The following SENP7 variants were observed in gnomAD, a reference collection of about 807,000 sequenced individuals.
SENP7 encodes the protein sentrin-specific protease 7.
A neutral mutation model predicts 141.2 loss-of-function variants in SENP7; 64 were observed. That is an observed-to-expected ratio of 0.45 (90% CI 0.37 to 0.56). The LOEUF is 0.56. SENP7 is among the 20% of genes least tolerant of loss of function. The probability of loss-of-function intolerance (pLI) is 0.00; values close to 1 mark genes in which losing one functional copy is unlikely to be tolerated. For missense variants in SENP7, 1,025 were observed against 1,212.2 expected, an observed-to-expected ratio of 0.85 and a Z score of 2.29; for synonymous variants, 382 against 426.4, an observed-to-expected ratio of 0.90 and a Z score of 1.28.
At chr3:101,400,052 AATT>A (rs2107583885) in intron 5 of SENP7, among the ~76,000 whole-genome samples, 1 of 152,350 alleles carries the variant, frequency 6.6e-6, no homozygotes, top group African/African-American at 2.4e-5. Context: ...TTTGGTATAA[AATT>A]AGTGCAATAT....
chr3:101,365,073 G>C, intron 9 of SENP7, 82 bp from the exon 10 acceptor site: 2 of 911,544 alleles, frequency 2.2e-6, no homozygotes, highest in Admixed American at 8.1e-5. Flanking sequence ...CCCCATCTCG[G>C]CTCACTGCAA....
intron 7 of SENP7, among the ~76,000 whole-genome samples, chr3:101,368,893 C>T (rs532146781): frequency 1.2e-4 from 18 of 152,148 alleles, no homozygotes; most frequent in South Asian, 4.1e-4. Context: ...GTGTTGATCA[C>T]TGCTCTTTAA....
intron 9 of SENP7, among the ~76,000 whole-genome samples, chr3:101,366,039 T>C (rs2060029757): frequency 6.6e-6 from 1 of 152,336 alleles, no homozygotes; most frequent in Non-Finnish European, 1.5e-5. Context: ...CTTTGTACCA[T>C]GTGATGGCAT....
Position 101,395,513 on chromosome 3 carries a change from C to T in SENP7, c.677+3348G>A, listed in dbSNP as rs117490366. Reference sequence around the variant, plus strand: ...TTGGCCTATGGGTCTGTTTTTATACCATGCTGTTTTGGTTACTATAGCCTT... The same window carrying T: ...TTGGCCTATGGGTCTGTTTTTATACTATGCTGTTTTGGTTACTATAGCCTT... On this transcript the variant is annotated intron_variant, in intron 6 of 23. Coordinates refer to ENST00000394095, the MANE Select transcript of SENP7 (RefSeq NM_020654.5). Among the ~76,000 whole-genome samples the T allele has an allele frequency of 7.6e-4, 115 of 152,100 alleles. 1 individual carries two copies. In the East Asian group the frequency reaches 0.012, roughly 15 times the overall value.
intron 3 of SENP7, among the ~76,000 whole-genome samples, chr3:101,479,700 A>G (rs1179894465): frequency 6.7e-6 from 1 of 150,060 alleles, no homozygotes; most frequent in Non-Finnish European, 1.5e-5. Flanking sequence ...GCTAGCTAAT[A>G]GGGAGGCTGA....
At position 101,444,442 on chromosome 3, in the gene SENP7, C is replaced by T. The variant is rs577350356; in HGVS notation, c.284+14513G>A. On this transcript the variant is annotated intron_variant, in intron 4 of 23. Coordinates refer to ENST00000394095, the MANE Select transcript of SENP7 (RefSeq NM_020654.5). ...AAGCTGATATAAAGACACATGCACA[C>T]GTATGTTTATTGCGGCATTATTCAC... Among the ~76,000 whole-genome samples the T allele has an allele frequency of 8.1e-3, 1,230 of 152,064 alleles. 23 individuals carry two copies. The highest frequency in any genetic ancestry group is 0.029 in the African/African-American group (1,182 of 41,436).
intron 12 of SENP7, among the ~76,000 whole-genome samples, chr3:101,350,816 C>T (rs2059594356): frequency 6.6e-6 from 1 of 151,756 alleles, no homozygotes; most frequent in Non-Finnish European, 1.5e-5. Context: ...ATTAATATTT[C>T]CTATTTAGGA....
At chr3:101,506,662 TATCATATAAGA>T (rs778155955) in intron 1 of SENP7, among the ~76,000 whole-genome samples, 75 of 152,220 alleles carry the variant, frequency 4.9e-4, no homozygotes, top group Non-Finnish European at 1.0e-3. Context: ...ATCTGATAAT[TATCATATAAGA>T]GGCATAAAGA....
Position 101,372,097 on chromosome 3 carries a change from T to C in SENP7, c.707A>G (p.Asp236Gly). 1 of 1,562,004 alleles carries C rather than the reference T, an allele frequency of 6.4e-7. No homozygotes were observed. The part of the protein sequence containing the change: ...RGSQRSKTVD[D>G]NSAKQTAHNK... ...GTGCGCAGTCTGCTTTGCAGAATTG[T>C]CATCTACTGTCTTACTTCGTTGTGA... The change falls in exon 7 of 24, where the codon GAC becomes GGC. Residue 236 changes from aspartate to glycine, a missense_variant. This residue lies in a region of SENP7 where 496 missense variants were observed against 503.5 expected (regional missense o/e 0.99). Transcript: ENST00000394095.
At chr3:101,385,430 T>C (rs943114648) in intron 6 of SENP7, among the ~76,000 whole-genome samples, 5 of 152,100 alleles carry the variant, frequency 3.3e-5, no homozygotes, top group African/African-American at 1.2e-4. Context: ...AGGCCCCACA[T>C]AGGCAGAGTC....
At chr3:101,414,596 A>C in intron 5 of SENP7, 1 of 1,605,028 alleles carries the variant, frequency 6.2e-7, no homozygotes, top group African/African-American at 1.3e-5. Flanking sequence ...ACTATGACCA[A>C]GAAGATGAAG....
intron 10 of SENP7, among the ~76,000 whole-genome samples, chr3:101,364,387 A>G (rs1435718795): frequency 1.3e-5 from 2 of 152,228 alleles, no homozygotes; most frequent in Non-Finnish European, 2.9e-5. Context: ...CAGAGGACTT[A>G]CCAAACTTGA....
intron 4 of SENP7, among the ~76,000 whole-genome samples, chr3:101,453,296 A>T (rs1304140099): frequency 6.6e-6 from 1 of 152,202 alleles, no homozygotes; most frequent in Non-Finnish European, 1.5e-5. Context: ...ACCATTGTGG[A>T]AGTCAGTGTG....
At chr3:101,387,712 G>A (rs955973505) in intron 6 of SENP7, among the ~76,000 whole-genome samples, 4 of 152,130 alleles carry the variant, frequency 2.6e-5, no homozygotes, top group South Asian at 4.1e-4. Context: ...GCCAGCCACC[G>A]CTTAAGTCAT....
intron 4 of SENP7, among the ~76,000 whole-genome samples, chr3:101,430,234 AT>A (rs1457047756): frequency 1.3e-5 from 2 of 152,032 alleles, no homozygotes; most frequent in Non-Finnish European, 1.5e-5. Context: ...CTCTTTTTCT[AT>A]CGATTGGAAT....
chr3:101,466,068 A>C (rs2063748713), intron 3 of SENP7, among the ~76,000 whole-genome samples: 1 of 152,172 alleles, frequency 6.6e-6, no homozygotes, highest in African/African-American at 2.4e-5. Flanking sequence ...TTAAAAAAAT[A>C]ACCCATTCAG....
chr3:101,437,981 A>G (rs191850002), intron 4 of SENP7, among the ~76,000 whole-genome samples: 64 of 152,238 alleles, frequency 4.2e-4, no homozygotes, highest in African/African-American at 1.4e-3. Context: ...AGAAACTGGA[A>G]ATTTACTCAC....
intron 13 of SENP7, among the ~76,000 whole-genome samples, chr3:101,345,071 T>C (rs577464924): frequency 6.6e-6 from 1 of 151,858 alleles, no homozygotes; most frequent in East Asian, 1.9e-4. Flanking sequence ...TTCATTGGTC[T>C]ATTTGCCTAT....
chr3:101,334,704 A>G (rs2059140025), intron 17 of SENP7, among the ~76,000 whole-genome samples: 3 of 152,238 alleles, frequency 2.0e-5, no homozygotes, highest in South Asian at 4.1e-4. Flanking sequence ...ACTAGTGTAT[A>G]GTCTGTTAAT....
Sources: gnomAD v4.1 joint callset for allele counts (sites outside exome capture counted in the v4.1 genomes callset) on GRCh38, gnomAD v4.1.1 for gene constraint, gnomAD v4.1.1 regional missense constraint, MANE v1.5 for transcripts, NCBI Gene and HGNC (gene_info 2026-07-23, HGNC 2026-07-21) for gene names.